Variants in ZFHX3 observed in about 807,000 individuals in gnomAD.
The protein encoded by ZFHX3 is zinc finger homeobox 3, also known as zinc finger homeobox protein 3.
Under a neutral mutation model 279.1 loss-of-function variants are expected in ZFHX3, and 42 were observed. That is an observed-to-expected ratio of 0.15 (90% CI 0.12 to 0.19). The LOEUF is 0.19. Ranked by LOEUF, ZFHX3 falls within the 10% of genes least tolerant of loss-of-function variation. The probability of loss-of-function intolerance (pLI) is 1.00; values close to 1 mark genes in which losing one functional copy is unlikely to be tolerated. For missense variants in ZFHX3, 4,981 were observed against 4,754.0 expected (o/e 1.05, Z -1.40); for synonymous variants, 2,293 against 1,957.8 (o/e 1.17, Z -4.52).
chr16:73,433,071 C>T (rs2017936704), intron 3 of ZFHX3, among the ~76,000 whole-genome samples: 1 of 152,200 alleles, frequency 6.6e-6, no homozygotes, highest in Non-Finnish European at 1.5e-5. Flanking sequence ...GTGTCCCTGG[C>T]TTTCTCTCCT....
intron 1 of ZFHX3, among the ~76,000 whole-genome samples, chr16:73,057,763 C>A (rs1217891707): frequency 6.6e-6 from 1 of 151,180 alleles, no homozygotes; most frequent in Non-Finnish European, 1.5e-5. Flanking sequence ...GGTAGAGGAT[C>A]GCGCGGCCGC....
chr16:73,032,636 G>C (rs1433159367), intron 1 of ZFHX3, among the ~76,000 whole-genome samples: 1 of 151,924 alleles, frequency 6.6e-6, no homozygotes, highest in African/African-American at 2.4e-5. Flanking sequence ...CCTACAGATG[G>C]GGGCCTCCCA....
At chr16:73,503,811 T>C (rs2019278681) in intron 2 of ZFHX3, among the ~76,000 whole-genome samples, 1 of 152,222 alleles carries the variant, frequency 6.6e-6, no homozygotes, top group Admixed American at 6.5e-5. Context: ...CAATTGGCAT[T>C]TTTTGGTAAC....
rs773148799 is a variant in ZFHX3, at chr16:72,958,545, G to T, written c.1601C>A (p.Pro534His). ...GGTCTGGAGCACGTTAGGCATTAAG[G>T]GGGAGTTAGAAATGCTTTGGTTTGA... ...ALSNQSISNS[P>H]LMPNVLQTLS... Residue 534 changes from proline to histidine, a missense_variant, in exon 2 of 10, where the codon CCC (proline) becomes CAC (histidine). Around this residue, in one of 7 missense-constraint regions of ZFHX3, gnomAD observed 1,068 missense variants for 935.2 expected, o/e 1.14. Transcript: ENST00000268489. 55 of 1,614,056 alleles carry T rather than the reference G, an allele frequency of 3.4e-5. No homozygotes were observed. The highest frequency in any genetic ancestry group is 3.6e-5 in the Non-Finnish European group (42 of 1,180,024).
chr16:73,042,503 C>T (rs1222505975), intron 1 of ZFHX3, among the ~76,000 whole-genome samples: 1 of 152,052 alleles, frequency 6.6e-6, no homozygotes, highest in Non-Finnish European at 1.5e-5. Context: ...CTGAAAGAAC[C>T]CCATCAAGAA....
chr16:73,797,433 G>A (rs1292153307), intron 1 of ZFHX3, among the ~76,000 whole-genome samples: 1 of 152,184 alleles, frequency 6.6e-6, no homozygotes, highest in African/African-American at 2.4e-5. Context: ...AAATGGCAGA[G>A]GGCCCATGAG....
chr16:72,917,709 A>C (rs72795118), intron 3 of ZFHX3, among the ~76,000 whole-genome samples: 4,142 of 152,330 alleles, frequency 0.027, 83 homozygotes, highest in Non-Finnish European at 0.037. Context: ...GGCCAAAATG[A>C]CATATACCAA....
chr16:73,233,003 AGTG>A (rs2012824693), intron 5 of ZFHX3: 3 of 148,154 alleles, frequency 2.0e-5, no homozygotes, highest in South Asian at 2.2e-4. Flanking sequence ...GGTGGGGGGT[AGTG>A]GTGGTGGTAG....
chr16:73,749,293 T>C (rs1459449929), intron 1 of ZFHX3, among the ~76,000 whole-genome samples: 1 of 151,998 alleles, frequency 6.6e-6, no homozygotes, highest in Non-Finnish European at 1.5e-5. Context: ...ATCCTGTTTA[T>C]ATCACTCCCT....
intron 3 of ZFHX3, among the ~76,000 whole-genome samples, chr16:73,343,505 G>T (rs1314900916): frequency 6.6e-6 from 1 of 152,146 alleles, no homozygotes; most frequent in African/African-American, 2.4e-5. Context: ...TGGGAGGAAT[G>T]CTTGATCCCA....
chr16:73,629,142 C>T (rs1185399170), intron 2 of ZFHX3, among the ~76,000 whole-genome samples: 1 of 152,218 alleles, frequency 6.6e-6, no homozygotes, highest in South Asian at 2.1e-4. Flanking sequence ...ATTCCTCCCA[C>T]CTTCCGTGTG....
upstream of ZFHX3, among the ~76,000 whole-genome samples, chr16:73,053,114 A>C (rs1242187849): frequency 6.6e-6 from 1 of 152,092 alleles, no homozygotes; most frequent in Non-Finnish European, 1.5e-5. Context: ...AAAACCCATC[A>C]TTCTATTAGA....
intron 3 of ZFHX3, among the ~76,000 whole-genome samples, chr16:72,914,665 G>A (rs1175320504): frequency 6.6e-6 from 1 of 151,854 alleles, no homozygotes; most frequent in Non-Finnish European, 1.5e-5. Flanking sequence ...AGGAATGTTT[G>A]GGTAAGAACT....
chr16:73,421,572 A>T (rs753318128), intron 3 of ZFHX3, among the ~76,000 whole-genome samples: 8 of 152,240 alleles, frequency 5.3e-5, no homozygotes, highest in Admixed American at 5.2e-4. Context: ...AATGTACAAA[A>T]TGTACAACAT....
chr16:73,229,145 G>A (rs2012694203), intron 5 of ZFHX3, among the ~76,000 whole-genome samples: 1 of 152,152 alleles, frequency 6.6e-6, no homozygotes, highest in Non-Finnish European at 1.5e-5. Flanking sequence ...GCTACTGCTT[G>A]GGAAGTGATT....
chr16:73,177,532 T>C (rs958122537), intron 5 of ZFHX3, among the ~76,000 whole-genome samples: 1 of 152,230 alleles, frequency 6.6e-6, no homozygotes. Flanking sequence ...ATCCCTACTT[T>C]AAAGATGGGA....
intron 3 of ZFHX3, among the ~76,000 whole-genome samples, chr16:73,430,913 T>G (rs2017898554): frequency 6.6e-6 from 1 of 152,192 alleles, no homozygotes; most frequent in African/African-American, 2.4e-5. Context: ...AGCACATTGT[T>G]GGGACATACT....
At chr16:73,330,799 G>A (rs1184566847) in intron 3 of ZFHX3, among the ~76,000 whole-genome samples, 2 of 152,202 alleles carry the variant, frequency 1.3e-5, no homozygotes, top group Admixed American at 1.3e-4. Context: ...ATAGGCTTAA[G>A]ACATGATGAT....
rs139495588 is a variant in ZFHX3 at position 73,151,952 on chromosome 16, GGA to G, written c.-1103-8123_-1103-8122del. ...CACCCACACAGAAAAAAACAGAAAA[GGA>G]GAGGGGCGGAGAAGAGAGCTGGGAA... On this transcript the variant is annotated intron_variant, in intron 5 of 17. Coordinates refer to the ZFHX3 transcript ENST00000641206. Among the ~76,000 whole-genome samples the G allele has an allele frequency of 5.2e-3, 505 of 97,136 alleles. 2 individuals carry two copies. The highest frequency in any genetic ancestry group is 0.02 in the African/African-American group (488 of 24,664). The allele number at this position is 97,136 out of a possible 152,430, so 63.7% of individuals were successfully genotyped here. A position where few individuals can be genotyped will look rare whatever the true frequency, so the allele number is the denominator to read the frequency against.
Sources: allele counts gnomAD v4.1 joint callset (sites outside exome capture counted in the v4.1 genomes callset), GRCh38; gene constraint gnomAD v4.1.1; regional missense constraint gnomAD v4.1.1; transcripts MANE v1.5; gene names NCBI Gene and HGNC (gene_info 2026-07-23, HGNC 2026-07-21).